The following EPS15 variants were observed in gnomAD, a reference collection of about 807,000 sequenced individuals.
EPS15 encodes epidermal growth factor receptor pathway substrate 15, also known as epidermal growth factor receptor substrate 15.
A neutral mutation model predicts 113.8 loss-of-function variants in EPS15; 72 were observed. That is an observed-to-expected ratio of 0.63 (90% CI 0.52 to 0.77). EPS15 has a LOEUF of 0.77. Ranked by LOEUF, EPS15 falls within the 30% of genes least tolerant of loss-of-function variation. EPS15 has a pLI of 0.00. For missense variants in EPS15, 1,048 were observed against 1,045.8 expected, an observed-to-expected ratio of 1.00 and a Z score of -0.03; for synonymous variants, 344 against 363.4, an observed-to-expected ratio of 0.95 and a Z score of 0.61.
Position 51,361,177 on chromosome 1 carries a change from G to GA in EPS15, c.2537dup (p.Ser847GlnfsTer6), listed in dbSNP as rs1158729049. 4.3e-6 allele frequency: 7 copies of GA among 1,613,184 alleles called. No individual in the cohort carries two copies. The highest frequency in any genetic ancestry group is 1.3e-5 in the African/African-American group (1 of 74,904). On this transcript the variant is annotated frameshift_variant, in exon 24 of 25. Coordinates refer to ENST00000371733, the MANE Select transcript of EPS15 (RefSeq NM_001981.3). LOFTEE classifies it high-confidence loss of function. ...GCTCATTCACAGTACTTACAGCACT[G>GA]AAGTTGGCAAAATTGCTTGGATCAG...
intron 13 of EPS15, among the ~76,000 whole-genome samples, chr1:51,412,707 A>G (rs954768439): frequency 8.5e-5 from 13 of 152,252 alleles, no homozygotes; most frequent in Non-Finnish European, 1.3e-4. Flanking sequence ...AACCCATGCC[A>G]AAAGAGAAAA....
intron 8 of EPS15, among the ~76,000 whole-genome samples, chr1:51,460,238 GGGAAATT>G (rs1318411325): frequency 1.3e-5 from 2 of 152,048 alleles, no homozygotes; most frequent in Admixed American, 1.3e-4. Flanking sequence ...GAGAGTAAAA[GGGAAATT>G]AGAAATTTAC....
chr1:51,463,889 A>G lies in EPS15; in HGVS notation c.376-91T>C, dbSNP rs1486723811. 1.2e-5 allele frequency: 8 copies of G among 648,114 alleles called. No individual in the cohort carries two copies. In the East Asian group the frequency reaches 1.6e-4, roughly 13 times the overall value. The allele number at this position is 648,114 out of a possible 1,614,324, so 40.1% of individuals were successfully genotyped here. Reference sequence around the variant, plus strand: ...ATCAAGTCCTTAAAGAATAGACTACATATGTTTTTAAACTATCATTTAAAA... The same window carrying G: ...ATCAAGTCCTTAAAGAATAGACTACGTATGTTTTTAAACTATCATTTAAAA... On this transcript the variant is annotated intron_variant, in intron 6 of 24. Transcript: ENST00000371733.
chr1:51,405,786 G>C, intron 16 of EPS15, 119 bp downstream of exon 16: 1 of 774,554 alleles, frequency 1.3e-6, no homozygotes, highest in Non-Finnish European at 2.2e-6. Context: ...TTCTAAAAAG[G>C]AAATCTCAAT....
At chr1:51,462,447 A>G (rs895532883) in intron 7 of EPS15, among the ~76,000 whole-genome samples, 3 of 152,110 alleles carry the variant, frequency 2.0e-5, no homozygotes, top group Admixed American at 2.0e-4. Context: ...TTATGGAGAA[A>G]TCACTATGGA....
intron 23 of EPS15, among the ~76,000 whole-genome samples, chr1:51,362,565 T>C (rs546519531): frequency 2.0e-5 from 3 of 152,336 alleles, no homozygotes; most frequent in African/African-American, 7.2e-5. Context: ...TTTTTAAATA[T>C]ATTCTGATAA....
intron 10 of EPS15, among the ~76,000 whole-genome samples, chr1:51,445,365 C>A (rs1167942443): frequency 3.3e-5 from 5 of 152,178 alleles, no homozygotes; most frequent in African/African-American, 1.2e-4. Flanking sequence ...TTACACCCAA[C>A]ATTTTTAACA....
chr1:51,464,304 A>G (rs1296989968), intron 6 of EPS15, among the ~76,000 whole-genome samples: 3 of 151,692 alleles, frequency 2.0e-5, no homozygotes, highest in Non-Finnish European at 4.4e-5. Context: ...CAGTGGCACA[A>G]TCTCAGCTCA....
chr1:51,410,431 T>C lies in EPS15; in HGVS notation c.1114-735A>G, dbSNP rs185089685. ...AGAAAAATTAATTCCAGGTAAATAA[T>C]GGACCTGAATGTAAAAGTCTAACTT... On this transcript the variant is annotated intron_variant, in intron 13 of 24. Coordinates refer to ENST00000371733, the MANE Select transcript of EPS15 (RefSeq NM_001981.3). 1.4e-3 allele frequency among the ~76,000 whole-genome samples: 207 copies of C among 151,150 alleles called. 1 individual carries two copies. The highest frequency in any genetic ancestry group is 2.4e-3 in the Non-Finnish European group (163 of 67,780).
intron 21 of EPS15, among the ~76,000 whole-genome samples, chr1:51,388,473 A>T (rs1647155763): frequency 6.6e-6 from 1 of 152,224 alleles, no homozygotes; most frequent in Non-Finnish European, 1.5e-5. Context: ...CTAAAATCAG[A>T]GCAGAACTGA....
intron 8 of EPS15, chr1:51,457,412 A>C (rs943161644): frequency 6.6e-6 from 1 of 151,950 alleles, no homozygotes; most frequent in Non-Finnish European, 1.5e-5. Flanking sequence ...AGGAGAAATA[A>C]GTACTAGTAC....
chr1:51,406,091 C>T lies in EPS15; in HGVS notation c.1491G>A (p.Met497Ile). ...QEISSMQMKL[M>I]EMKDLENHNS... is the part of the protein sequence containing the mutation. ...TATGATTTTCCAAATCTTTCATTTCCATCAGTTTCATTTGCATCTGCCAAC... is the reference window on the plus strand; with the variant it reads ...TATGATTTTCCAAATCTTTCATTTCTATCAGTTTCATTTGCATCTGCCAAC... Residue 497 changes from methionine (M) to isoleucine (I), a missense_variant, in exon 16 of 25, where the codon ATG becomes ATA. By Grantham distance (10) the Met-to-Ile change is conservative. Transcript: ENST00000371733. 1.9e-6 allele frequency: 3 copies of T among 1,613,274 alleles called. No homozygotes were observed. Among genetic ancestry groups the T allele is most frequent in the Non-Finnish European group, 2.5e-6 (3 of 1,179,748 alleles).
intron 12 of EPS15, among the ~76,000 whole-genome samples, chr1:51,435,490 G>A (rs919783556): frequency 1.6e-4 from 25 of 152,122 alleles, no homozygotes; most frequent in African/African-American, 6.0e-4. Context: ...CACTGTGTCC[G>A]GCCTAAAATC....
At chr1:51,451,502 A>AT in intron 8 of EPS15, among the ~76,000 whole-genome samples, 1 of 150,416 alleles carries the variant, frequency 6.6e-6, no homozygotes, top group Non-Finnish European at 1.5e-5. Flanking sequence ...AAAAAAAAAA[A>AT]AAAAAAGAAA....
At position 51,519,214 on chromosome 1, in the gene EPS15, C is replaced by T. The variant is rs766653340; in HGVS notation, c.18G>A (p.Gln6=). 3.0e-6 allele frequency: 4 copies of T among 1,348,366 alleles called. No homozygotes were observed. Among genetic ancestry groups the T allele is most frequent in the Non-Finnish European group, 2.9e-6 (3 of 1,031,716 alleles). 83.5% of individuals were successfully genotyped at this position (1,348,366 alleles called of 1,614,324 possible). A position where few individuals can be genotyped will look rare whatever the true frequency, so the allele number is the denominator to read the frequency against. ...GTGGCGTTACCTGTGTCAGAGAGAG[C>T]TGGGCCGCCGCAGCCATGGTGTTTC... MAAAA[Q]LSLTQLSSGN... Residue 6 remains glutamine (Q), a synonymous_variant, in exon 1 of 25, where the codon CAG becomes CAA. Coordinates refer to ENST00000371733, the MANE Select transcript of EPS15 (RefSeq NM_001981.3).
intron 20 of EPS15, 141 bp from the exon 21 acceptor site, chr1:51,394,588 G>C (rs1647730277): frequency 4.3e-6 from 2 of 467,732 alleles, no homozygotes; most frequent in East Asian, 3.3e-5. Flanking sequence ...TTTCCCCATA[G>C]TGATCTGCAA....
In EPS15 at chr1:51,463,749, A is replaced by G; in HGVS notation, c.425T>C (p.Val142Ala). The change falls in exon 7 of 25, where the codon GTG becomes GCG. Residue 142 changes from valine to alanine, a missense_variant. By Grantham distance (64) the Val-to-Ala change is moderately conservative. Coordinates refer to ENST00000371733, the MANE Select transcript of EPS15 (RefSeq NM_001981.3). ...TTTATCACCAGACAGAAATCCATTC[A>G]CTGGGCTTAAACTATCAAATATTGC... Reference protein sequence around the residue: ...YDAIFDSLSPVNGFLSGDKVK... With the variant: ...YDAIFDSLSPANGFLSGDKVK... 1 of 1,604,674 alleles carries G rather than the reference A, an allele frequency of 6.2e-7. No homozygotes were observed.
intron 21 of EPS15, among the ~76,000 whole-genome samples, chr1:51,386,309 A>C (rs749326254): frequency 1.3e-5 from 2 of 152,224 alleles, no homozygotes; most frequent in Non-Finnish European, 2.9e-5. Flanking sequence ...ATGGAAAGTA[A>C]GTGACAATGA....
chr1:51,410,090 G>T (rs993009123), intron 13 of EPS15, among the ~76,000 whole-genome samples: 4 of 151,724 alleles, frequency 2.6e-5, no homozygotes, highest in African/African-American at 7.3e-5. Flanking sequence ...TTAGCTGGGC[G>T]TGGTGGCGCA....
Sources: gnomAD v4.1 joint callset for allele counts (sites outside exome capture counted in the v4.1 genomes callset) on GRCh38, gnomAD v4.1.1 for gene constraint, MANE v1.5 for transcripts, NCBI Gene and HGNC (gene_info 2026-07-23, HGNC 2026-07-21) for gene names.